The following CEP128 variants were observed in gnomAD, a reference collection of about 807,000 sequenced individuals.
CEP128 encodes the protein centrosomal protein 128kDa.
In CEP128, 132 loss-of-function variants were observed where a neutral mutation model predicts 156.7. That is an observed-to-expected ratio of 0.84 (90% CI 0.73 to 0.97). The LOEUF (loss-of-function observed/expected upper bound fraction) is 0.97. Among genes scored for constraint, CEP128 ranks in the 50% least tolerant of loss-of-function variants. The pLI, the probability that CEP128 is intolerant of heterozygous loss-of-function variation, is 0.00. For missense variants in CEP128, 1,252 were observed against 1,281.9 expected (o/e 0.98, Z 0.36); for synonymous variants, 469 against 448.9 (o/e 1.04, Z -0.57).
chr14:80,601,946 T>C (rs768795747), intron 19 of CEP128, among the ~76,000 whole-genome samples: 1 of 152,172 alleles, frequency 6.6e-6, no homozygotes, highest in Non-Finnish European at 1.5e-5. Flanking sequence ...TATAAATGCA[T>C]ATAATTCAAC....
At chr14:80,643,192 A>G (rs10150186) in intron 19 of CEP128, among the ~76,000 whole-genome samples, 5,286 of 152,342 alleles carry the variant, frequency 0.035, 302 homozygotes, top group African/African-American at 0.12. Context: ...ATCAAGTGGC[A>G]AAAAACAGTG....
chr14:80,934,753 C>T (rs1283565690), intron 2 of CEP128, among the ~76,000 whole-genome samples: 1 of 152,124 alleles, frequency 6.6e-6, no homozygotes, highest in Non-Finnish European at 1.5e-5. Flanking sequence ...AATCTTAAAG[C>T]AACCTTCTAA....
intron 18 of CEP128, among the ~76,000 whole-genome samples, chr14:80,751,044 C>T (rs1451985929): frequency 6.6e-6 from 1 of 152,176 alleles, no homozygotes; most frequent in African/African-American, 2.4e-5. Flanking sequence ...GAGAAGGTGG[C>T]CATCTATGAG....
At chr14:80,955,588 C>G in intron 2 of CEP128, 1 of 1,507,686 alleles carries the variant, frequency 6.6e-7, no homozygotes. Flanking sequence ...CCTCCCGCTC[C>G]CGGGTCTCCT....
chr14:80,533,659 C>T (rs1490400221), intron 21 of CEP128, among the ~76,000 whole-genome samples: 2 of 151,986 alleles, frequency 1.3e-5, no homozygotes, highest in Non-Finnish European at 2.9e-5. Context: ...TTTATTCTCC[C>T]CTCCCTTGCC....
At chr14:80,583,685 T>C (rs1259014734) in intron 19 of CEP128, among the ~76,000 whole-genome samples, 4 of 152,234 alleles carry the variant, frequency 2.6e-5, no homozygotes, top group Non-Finnish European at 5.9e-5. Context: ...AAGAGAGAAT[T>C]GCTTGAGGAC....
rs1425598200 is a variant in CEP128, at chr14:80,647,049, A to ATGTGTGTGTGTGTG, written c.2807-66627_2807-66626insCACACACACACACA. 1.1e-4 allele frequency among the ~76,000 whole-genome samples: 2 copies of ATGTGTGTGTGTGTG among 18,328 alleles called. 1 individual carries two copies. Among genetic ancestry groups the ATGTGTGTGTGTGTG allele is most frequent in the East Asian group, 5.1e-3 (2 of 394 alleles). 12.0% of individuals were successfully genotyped at this position (18,328 alleles called of 152,430 possible). ...TATATGTGTGCATGTATATATATATATATATATATATATATATATATATAT... is the reference window on the plus strand; with the variant it reads ...TATATGTGTGCATGTATATATATATATGTGTGTGTGTGTGTATATATATATATATATATATATAT... On this transcript the variant is annotated intron_variant, in intron 19 of 24. Transcript: ENST00000555265.
At chr14:80,955,883 A>G (rs1566735571) in intron 2 of CEP128, 1 of 1,613,978 alleles carries the variant, frequency 6.2e-7, no homozygotes, top group Non-Finnish European at 8.5e-7. Context: ...GGTAGGACCC[A>G]GAGATCAAGG....
intron 6 of CEP128, among the ~76,000 whole-genome samples, chr14:80,902,401 T>C (rs1204405232): frequency 6.6e-6 from 1 of 152,154 alleles, no homozygotes; most frequent in Non-Finnish European, 1.5e-5. Flanking sequence ...AAAAATAACA[T>C]AGTCAAGGAA....
chr14:80,648,926 A>G (rs145575629), intron 19 of CEP128, among the ~76,000 whole-genome samples: 9 of 152,274 alleles, frequency 5.9e-5, no homozygotes, highest in African/African-American at 2.2e-4. Context: ...TAAGGTATAG[A>G]TAGTATCAAC....
intron 19 of CEP128, among the ~76,000 whole-genome samples, chr14:80,613,891 T>C (rs986313426): frequency 2.0e-5 from 3 of 152,174 alleles, no homozygotes; most frequent in African/African-American, 4.8e-5. Flanking sequence ...GAAATATAAA[T>C]ATGTCTATTT....
chr14:80,882,683 T>C (rs1441357771), intron 8 of CEP128, among the ~76,000 whole-genome samples: 1 of 151,958 alleles, frequency 6.6e-6, no homozygotes, highest in East Asian at 1.9e-4. Context: ...CATCAACAGA[T>C]GAATGGATAA....
chr14:80,702,507 G>T (rs1897107780), intron 19 of CEP128, among the ~76,000 whole-genome samples: 1 of 151,972 alleles, frequency 6.6e-6, no homozygotes, highest in African/African-American at 2.4e-5. Flanking sequence ...CCAAAATGAA[G>T]ACATTTGCAT....
intron 13 of CEP128, 106 bp downstream of exon 13, chr14:80,831,037 C>A (rs745926326): frequency 9.4e-6 from 9 of 953,374 alleles, no homozygotes; most frequent in Non-Finnish European, 1.3e-5. Flanking sequence ...TCAATGCTCA[C>A]ACTGGAGTTC....
chr14:80,694,450 T>A (rs190911867), intron 19 of CEP128, among the ~76,000 whole-genome samples: 1 of 152,244 alleles, frequency 6.6e-6, no homozygotes, highest in East Asian at 1.9e-4. Context: ...CACATGAACA[T>A]ATATGTTTAC....
intron 21 of CEP128, among the ~76,000 whole-genome samples, chr14:80,556,210 G>A (rs1381720299): frequency 6.6e-6 from 1 of 152,142 alleles, no homozygotes; most frequent in East Asian, 1.9e-4. Context: ...ATTTAGTGAA[G>A]ATGGTTAGAG....
At chr14:80,649,790 C>G (rs1032552958) in intron 19 of CEP128, among the ~76,000 whole-genome samples, 1 of 152,084 alleles carries the variant, frequency 6.6e-6, no homozygotes, top group South Asian at 2.1e-4. Flanking sequence ...TGTTTTGGTA[C>G]CAGTACCATG....
In CEP128 at chr14:80,792,973, G is replaced by A; in HGVS notation, c.1347C>T (p.Arg449=). 6.2e-7 allele frequency: 1 copy of A among 1,614,026 alleles called. No homozygotes were observed. The highest frequency in any genetic ancestry group is 2.2e-5 in the East Asian group (1 of 44,886). ...HADLQISELT[R]HAEDATKQAE... Reference sequence around the variant, plus strand: ...CCTGCTTGGTTGCATCCTCCGCATGGCGAGTCAGCTCTGAGATCTGAAGGT... The same window carrying A: ...CCTGCTTGGTTGCATCCTCCGCATGACGAGTCAGCTCTGAGATCTGAAGGT... Residue 449 remains arginine, a synonymous_variant, in exon 14 of 25, where the codon CGC becomes CGT. Transcript: ENST00000555265.
chr14:80,728,922 C>T (rs1027672196), intron 19 of CEP128, among the ~76,000 whole-genome samples: 29 of 152,236 alleles, frequency 1.9e-4, no homozygotes, highest in African/African-American at 5.5e-4. Flanking sequence ...ATGCTGCCAA[C>T]GCGGAGTCAC....
Sources: allele counts gnomAD v4.1 joint callset (sites outside exome capture counted in the v4.1 genomes callset), GRCh38; gene constraint gnomAD v4.1.1; transcripts MANE v1.5; gene names NCBI Gene and HGNC (gene_info 2026-07-23, HGNC 2026-07-21).